The following PHYHD1 variants were observed in gnomAD, a reference collection of about 807,000 sequenced individuals.
The protein encoded by PHYHD1 is phytanoyl-CoA dioxygenase domain containing 1.
Under a neutral mutation model 43.6 loss-of-function variants are expected in PHYHD1, and 42 were observed. The observed-to-expected ratio is 0.96, with a 90% CI of 0.75 to 1.25. The LOEUF (loss-of-function observed/expected upper bound fraction) is 1.25, where lower values mean the gene tolerates loss of function less well. Among genes scored for constraint, PHYHD1 ranks in the 50% most tolerant of loss-of-function variants. The pLI, the probability that PHYHD1 is intolerant of heterozygous loss-of-function variation, is 0.00. For synonymous variants in PHYHD1, 139 were observed against 143.6 expected (o/e 0.97, Z 0.23); for missense variants, 342 against 370.8 (o/e 0.92, Z 0.64).
At chr9:128,941,368 G>A (rs1304642584) in intron 11 of PHYHD1, 77 bp from the exon 12 acceptor site, 2 of 1,562,804 alleles carry the variant, frequency 1.3e-6, no homozygotes, top group Admixed American at 1.7e-5. Context: ...GGAAGGAGGA[G>A]GGCCCATGTC....
At position 128,941,792 on chromosome 9, in the gene PHYHD1, C is replaced by T. The variant is rs752969073; in HGVS notation, c.*79C>T. 5.1e-5 allele frequency: 81 copies of T among 1,593,044 alleles called. No homozygotes were observed. Among genetic ancestry groups the T allele is most frequent in the Non-Finnish European group, 6.8e-5 (79 of 1,162,456 alleles). On this transcript the variant is annotated 3_prime_UTR_variant, in exon 13 of 13. Transcript: ENST00000372592. ...AAACACCAGTGCCTTGCTCAGCCTCCTGGTTGCAACAGGGAGGTCTTGTCT... is the reference window on the plus strand; with the variant it reads ...AAACACCAGTGCCTTGCTCAGCCTCTTGGTTGCAACAGGGAGGTCTTGTCT...
rs996801793 is a variant in PHYHD1 at position 128,936,351 on chromosome 9, A to G, written c.317-97A>G. On this transcript the variant is annotated intron_variant, in intron 6 of 12. Transcript: ENST00000372592. Reference sequence around the variant, plus strand: ...AGGGTTAATGCCTACAAAGTAAGTGAGAATGTCAAAGTAAGCCTGAGTGTG... The same window carrying G: ...AGGGTTAATGCCTACAAAGTAAGTGGGAATGTCAAAGTAAGCCTGAGTGTG... The G allele has an allele frequency of 8.7e-6, 13 of 1,487,112 alleles. No homozygotes were observed. In the African/African-American group the frequency reaches 1.7e-4, roughly 19 times the overall value. The allele number at this position is 1,487,112 out of a possible 1,614,324, so 92.1% of individuals were successfully genotyped here. A position where few individuals can be genotyped will look rare whatever the true frequency, so the allele number is the denominator to read the frequency against.
intron 6 of PHYHD1, among the ~76,000 whole-genome samples, chr9:128,935,558 CAAAA>C (rs766510997): frequency 9.6e-6 from 1 of 104,320 alleles, no homozygotes; most frequent in Non-Finnish European, 1.9e-5. Context: ...AACTCTGTCT[CAAAA>C]AAAAAAAAAA....
intron 4 of PHYHD1, among the ~76,000 whole-genome samples, chr9:128,927,576 A>G (rs556547788): frequency 1.3e-5 from 2 of 152,146 alleles, no homozygotes; most frequent in African/African-American, 4.8e-5. Context: ...GGGTTTCATC[A>G]TGTTGGTCAG....
chr9:128,927,218 G>A, intron 4 of PHYHD1, 22 bp downstream of exon 4: 1 of 1,612,952 alleles, frequency 6.2e-7, no homozygotes, highest in Non-Finnish European at 8.5e-7. Flanking sequence ...GGGCACATGA[G>A]GATGGGATGT....
chr9:128,924,915 A>G (rs949358603), intron 3 of PHYHD1, among the ~76,000 whole-genome samples: 2 of 152,224 alleles, frequency 1.3e-5, no homozygotes, highest in Non-Finnish European at 2.9e-5. Flanking sequence ...AGCCTGGGCA[A>G]CAAGAGTGAG....
At chr9:128,939,756 G>A (rs1841510034) in intron 9 of PHYHD1, among the ~76,000 whole-genome samples, 1 of 118,572 alleles carries the variant, frequency 8.4e-6, no homozygotes, top group African/African-American at 2.7e-5. Context: ...CCGAGTTCAA[G>A]CAATTCTTCT....
intron 4 of PHYHD1, among the ~76,000 whole-genome samples, chr9:128,928,798 C>T (rs1018397337): frequency 3.9e-5 from 6 of 152,242 alleles, no homozygotes; most frequent in Admixed American, 6.5e-5. Context: ...CACTCAGTAA[C>T]ATCCTCAATA....
intron 3 of PHYHD1, among the ~76,000 whole-genome samples, chr9:128,924,225 G>A (rs773833154): frequency 6.6e-5 from 10 of 151,912 alleles, no homozygotes; most frequent in Non-Finnish European, 1.5e-4. Context: ...GACCATCCTG[G>A]CTAACATGGT....
Position 128,926,576 on chromosome 9 carries a change from T to C in PHYHD1, c.34-462T>C, listed in dbSNP as rs527408991. ...TTTCTTTCTTTTTTTTTTTTTTTTT[T>C]CGAGGTGGAGTCTCATCTGTTGCTC... On this transcript the variant is annotated intron_variant, in intron 3 of 12. Coordinates refer to ENST00000372592, the MANE Select transcript of PHYHD1 (RefSeq NM_001100876.2). Among the ~76,000 whole-genome samples the C allele has an allele frequency of 2.6e-3, 340 of 129,234 alleles. 2 individuals are homozygous for C. Among genetic ancestry groups the C allele is most frequent in the Non-Finnish European group, 4.3e-3 (253 of 58,862 alleles). The allele number at this position is 129,234 out of a possible 152,430, so 84.8% of individuals were successfully genotyped here. A position where few individuals can be genotyped will look rare whatever the true frequency, so the allele number is the denominator to read the frequency against.
chr9:128,933,913 C>G, intron 5 of PHYHD1, 56 bp downstream of exon 5: 1 of 1,605,522 alleles, frequency 6.2e-7, no homozygotes, highest in African/African-American at 1.3e-5. Flanking sequence ...TAGGCTGGAC[C>G]TGGGAATCTG....
Position 128,941,997 on chromosome 9 carries a change from A to T in PHYHD1, c.*284A>T. The T allele has an allele frequency of 2.0e-6, 1 of 507,334 alleles. No homozygotes were observed. Among genetic ancestry groups the T allele is most frequent in the Non-Finnish European group, 3.5e-6 (1 of 283,492 alleles). The allele number at this position is 507,334 out of a possible 1,614,324, so 31.4% of individuals were successfully genotyped here. On this transcript the variant is annotated 3_prime_UTR_variant, in exon 13 of 13. Coordinates refer to ENST00000372592, the MANE Select transcript of PHYHD1 (RefSeq NM_001100876.2). The stretch of plus-strand genomic sequence containing the variant: ...TCTCCTCTCAGATGGAACTCTGGTT[A>T]TTATGGTGTTAGTTATCGAATAAAA...
chr9:128,940,335 G>T, intron 9 of PHYHD1, 34 bp from the exon 10 acceptor site: 1 of 1,611,692 alleles, frequency 6.2e-7, no homozygotes, highest in African/African-American at 1.3e-5. Context: ...ACAGGCAAAA[G>T]GATGAGCTCC....
At chr9:128,929,375 C>A (rs781612203) in intron 4 of PHYHD1, among the ~76,000 whole-genome samples, 8 of 151,756 alleles carry the variant, frequency 5.3e-5, no homozygotes, top group Non-Finnish European at 8.8e-5. Context: ...GCATCTATCT[C>A]TAAATTCATT....
chr9:128,941,305 T>C, intron 11 of PHYHD1, 140 bp from the exon 12 acceptor site: 1 of 1,142,236 alleles, frequency 8.8e-7, no homozygotes, highest in East Asian at 2.4e-5. Context: ...AGGCTGCAGA[T>C]GCCTGAGCTT....
At position 128,926,394 on chromosome 9, in the gene PHYHD1, G is replaced by A. The variant is rs150793183; in HGVS notation, c.34-644G>A. ...CCTCCCGAGGAGCTGGGATTACACA[G>A]GCATGCGCCACCACACCTGGCCAAG... On this transcript the variant is annotated intron_variant, in intron 3 of 12. Transcript: ENST00000372592. Among the ~76,000 whole-genome samples, 1,386 of 150,192 alleles carry A rather than the reference G, an allele frequency of 9.2e-3. 20 individuals are homozygous for A. Among genetic ancestry groups the A allele is most frequent in the African/African-American group, 0.032 (1,309 of 40,840 alleles).
chr9:128,940,342 C>G, intron 9 of PHYHD1, 27 bp from the exon 10 acceptor site: 1 of 1,612,514 alleles, frequency 6.2e-7, no homozygotes, highest in Non-Finnish European at 8.5e-7. Flanking sequence ...AAAGGATGAG[C>G]TCCTCACCCC....
chr9:128,922,239 G>C lies in PHYHD1; in HGVS notation c.-41-44G>C, dbSNP rs1172051221. 4 of 1,514,528 alleles carry C rather than the reference G, an allele frequency of 2.6e-6. No individual in the cohort carries two copies. In the Admixed American group the frequency reaches 8.4e-5, roughly 32 times the overall value. 93.8% of individuals were successfully genotyped at this position (1,514,528 alleles called of 1,614,324 possible). A position where few individuals can be genotyped will look rare whatever the true frequency, so the allele number is the denominator to read the frequency against. The stretch of plus-strand genomic sequence containing the variant: ...GACCGGGTTTTCTCCGGGTAGGGAA[G>C]GGTTAAGTCCTCCCAGGCTCCTAAA... On this transcript the variant is annotated intron_variant, in intron 2 of 12. Coordinates refer to ENST00000372592, the MANE Select transcript of PHYHD1 (RefSeq NM_001100876.2).
intron 3 of PHYHD1, among the ~76,000 whole-genome samples, chr9:128,923,241 G>T (rs1161413592): frequency 6.6e-6 from 1 of 152,022 alleles, no homozygotes; most frequent in Non-Finnish European, 1.5e-5. Context: ...ACCGTGCCCG[G>T]TCCTATTTTT....
Sources: allele counts gnomAD v4.1 joint callset (sites outside exome capture counted in the v4.1 genomes callset), GRCh38; gene constraint gnomAD v4.1.1; transcripts MANE v1.5; gene names NCBI Gene and HGNC (gene_info 2026-07-23, HGNC 2026-07-21).